DEPDC5: variants seen among roughly 807,000 people sequenced by gnomAD.
DEPDC5 encodes DEP domain containing 5, GATOR1 subcomplex subunit.
A neutral mutation model predicts 217.3 loss-of-function variants in DEPDC5; 73 were observed. The observed-to-expected ratio is 0.34, with a 90% CI of 0.28 to 0.41. The LOEUF is 0.41. Ranked by LOEUF, DEPDC5 falls within the 10% of genes least tolerant of loss-of-function variation. DEPDC5 has a pLI of 1.00. For missense variants in DEPDC5, 1,675 were observed against 2,070.1 expected, an observed-to-expected ratio of 0.81 and a Z score of 3.70; for synonymous variants, 733 against 756.7, an observed-to-expected ratio of 0.97 and a Z score of 0.51.
At chr22:31,891,014 G>A (rs1453839714) in intron 38 of DEPDC5, 3 of 209,128 alleles carry the variant, frequency 1.4e-5, no homozygotes, top group Admixed American at 6.2e-5. Context: ...CACCATGCCC[G>A]GCTAAAAAAT....
chr22:31,862,235 T>TC (rs1223306125), intron 33 of DEPDC5, among the ~76,000 whole-genome samples: 2 of 147,110 alleles, frequency 1.4e-5, no homozygotes, highest in African/African-American at 5.1e-5. Context: ...AGAGCGAAAC[T>TC]CCATCTCAAT....
rs136874 is a variant in DEPDC5, at chr22:31,889,541, CTTTTTTTTTT to C, written c.4034-4025_4034-4016del. 1.8e-3 allele frequency among the ~76,000 whole-genome samples: 177 copies of C among 99,602 alleles called. 2 individuals are homozygous for C. Among genetic ancestry groups the C allele is most frequent in the African/African-American group, 6.7e-3 (173 of 25,812 alleles). 65.3% of individuals were successfully genotyped at this position (99,602 alleles called of 152,430 possible). A position where few individuals can be genotyped will look rare whatever the true frequency, so the allele number is the denominator to read the frequency against. On this transcript the variant is annotated intron_variant, in intron 38 of 42. Coordinates refer to ENST00000651528, the MANE Select transcript of DEPDC5 (RefSeq NM_001242896.3). ...TGTCCAAGACCAGAGGGCAAAACTT[CTTTTTTTTTT>C]TTTTTTTTTTTTTTTCCAGACAGAG...
chr22:31,755,105 C>G, intron 2 of DEPDC5, 126 bp downstream of exon 2: 1 of 1,020,464 alleles, frequency 9.8e-7, no homozygotes, highest in Non-Finnish European at 1.5e-6. Flanking sequence ...CAGACTAAAG[C>G]AGCAACTGTC....
intron 18 of DEPDC5, among the ~76,000 whole-genome samples, chr22:31,807,679 G>A (rs982737032): frequency 6.6e-6 from 1 of 152,158 alleles, no homozygotes; most frequent in Non-Finnish European, 1.5e-5. Context: ...TGACCCACCC[G>A]CCTCAGCCTC....
intron 38 of DEPDC5, among the ~76,000 whole-genome samples, chr22:31,881,590 C>T (rs1361932426): frequency 2.6e-5 from 4 of 152,042 alleles, no homozygotes; most frequent in Non-Finnish European, 5.9e-5. Context: ...GGGCTTGAGA[C>T]CTAAGGCCTT....
intron 21 of DEPDC5, chr22:31,815,448 C>T (rs750980534): frequency 1.7e-5 from 11 of 664,358 alleles, no homozygotes; most frequent in South Asian, 9.8e-5. Context: ...GATGCAATCA[C>T]AGCTCACCTC....
intron 7 of DEPDC5, among the ~76,000 whole-genome samples, chr22:31,772,953 T>C (rs532987173): frequency 5.9e-5 from 9 of 152,082 alleles, no homozygotes; most frequent in African/African-American, 2.2e-4. Flanking sequence ...AGCTAATTTT[T>C]GTTTTTTTAG....
At chr22:31,877,792 CA>C (rs2093046929) in intron 37 of DEPDC5, among the ~76,000 whole-genome samples, 1 of 148,676 alleles carries the variant, frequency 6.7e-6, no homozygotes, top group African/African-American at 2.5e-5. Context: ...AACAGAAAAC[CA>C]GACCAGCATC....
At position 31,783,907 on chromosome 22, in the gene DEPDC5, G is replaced by T. The variant is rs1423745812; in HGVS notation, c.484G>T (p.Val162Leu). The T allele has an allele frequency of 3.1e-6, 5 of 1,611,252 alleles. No homozygotes were observed. ...MCGYISEDTR[V>L]VFRSTSAMVY... ...TAATACAATTGTGTTTTTATTTCAG[G>T]TGGTGTTTCGTTCTACGTCGGCTAT... The change falls in exon 9 of 43, where the codon GTG becomes TTG. Residue 162 changes from valine (V) to leucine (L), a missense_variant and splice_region_variant. Around this residue, in one of 11 missense-constraint regions of DEPDC5, gnomAD observed 628 missense variants for 762.1 expected, o/e 0.82. Coordinates refer to ENST00000651528, the MANE Select transcript of DEPDC5 (RefSeq NM_001242896.3).
rs771106617 is a variant in DEPDC5 at position 31,876,211 on chromosome 22, T to G, written c.3751T>G (p.Phe1251Val). Residue 1251 changes from phenylalanine (F) to valine (V), a missense_variant, in exon 37 of 43, where the codon TTC becomes GTC. Around this residue, in one of 11 missense-constraint regions of DEPDC5, gnomAD observed 194 missense variants for 199.3 expected, o/e 0.97. Transcript: ENST00000651528. Reference sequence around the variant, plus strand: ...TGCATCTGGCGAAGCCTGGCGGACCTTCATCTACGGCTTCTATTTCTACAA... The same window carrying G: ...TGCATCTGGCGAAGCCTGGCGGACCGTCATCTACGGCTTCTATTTCTACAA... The part of the protein sequence containing the change: ...THASGEAWRT[F>V]IYGFYFYKIV... 4 of 1,614,134 alleles carry G rather than the reference T, an allele frequency of 2.5e-6. No homozygotes were observed. Among genetic ancestry groups the G allele is most frequent in the Non-Finnish European group, 3.4e-6 (4 of 1,180,026 alleles).
chr22:31,843,002 A>T, intron 27 of DEPDC5, 93 bp from the exon 28 acceptor site: 1 of 908,000 alleles, frequency 1.1e-6, no homozygotes, highest in Non-Finnish European at 1.7e-6. Context: ...AGAAAGTGTT[A>T]CATTGTTTTC....
intron 38 of DEPDC5, among the ~76,000 whole-genome samples, chr22:31,880,445 C>T (rs1230167080): frequency 6.6e-6 from 1 of 152,156 alleles, no homozygotes. Context: ...ATCTTAAGGG[C>T]AAGTTGGAGG....
chr22:31,825,169 G>A (rs944396282), intron 24 of DEPDC5, among the ~76,000 whole-genome samples: 2 of 152,234 alleles, frequency 1.3e-5, no homozygotes, highest in African/African-American at 2.4e-5. Context: ...TGAAGCAGGG[G>A]GAATTACAGG....
intron 41 of DEPDC5, among the ~76,000 whole-genome samples, chr22:31,905,592 G>A (rs2093743084): frequency 6.6e-6 from 1 of 152,096 alleles, no homozygotes; most frequent in African/African-American, 2.4e-5. Flanking sequence ...CCCAGGATGG[G>A]ATGGGGGAGA....
intron 38 of DEPDC5, among the ~76,000 whole-genome samples, chr22:31,888,797 C>A (rs925231310): frequency 6.6e-6 from 1 of 151,826 alleles, no homozygotes; most frequent in Non-Finnish European, 1.5e-5. Flanking sequence ...CCTCCCACCT[C>A]GGCCTCCCAA....
At chr22:31,828,396 G>T (rs2090320992) in intron 24 of DEPDC5, among the ~76,000 whole-genome samples, 3 of 142,240 alleles carry the variant, frequency 2.1e-5, no homozygotes, top group Non-Finnish European at 4.5e-5. Context: ...AGGTTGCAGT[G>T]AGCCAAGGTC....
At chr22:31,813,354 G>A (rs965626004) in intron 20 of DEPDC5, among the ~76,000 whole-genome samples, 8 of 152,234 alleles carry the variant, frequency 5.3e-5, no homozygotes, top group Non-Finnish European at 1.2e-4. Flanking sequence ...CCCAGGTTGT[G>A]TGGTCTCTGA....
At chr22:31,898,806 A>G (rs1361309547) in intron 40 of DEPDC5, among the ~76,000 whole-genome samples, 1 of 152,238 alleles carries the variant, frequency 6.6e-6, no homozygotes. Context: ...CAAGCCCCAC[A>G]GAGGCCCTAC....
chr22:31,857,512 A>G lies in DEPDC5; in HGVS notation c.3223A>G (p.Ser1075Gly), dbSNP rs376555106. 7 of 1,612,552 alleles carry G rather than the reference A, an allele frequency of 4.3e-6. No homozygotes were observed. Among genetic ancestry groups the G allele is most frequent in the Non-Finnish European group, 5.9e-6 (7 of 1,179,438 alleles). Reference protein sequence around the residue: ...KSSAQSAESSSVAMTPTYMDS... With the variant: ...KSSAQSAESSGVAMTPTYMDS... ...CTCCGCCCAGTCAGCCGAGAGCAGC[A>G]GCGTTGCCATGACTCCCACCTACAT... is the stretch of plus-strand genomic sequence containing the variant. Residue 1075 changes from serine to glycine, a missense_variant, in exon 32 of 43, where the codon AGC becomes GGC. Physicochemically the swap from Ser to Gly is moderately conservative, Grantham distance 56 (BLOSUM62 0). Coordinates refer to ENST00000651528, the MANE Select transcript of DEPDC5 (RefSeq NM_001242896.3).
Sources: allele counts gnomAD v4.1 joint callset (sites outside exome capture counted in the v4.1 genomes callset), GRCh38; gene constraint gnomAD v4.1.1; regional missense constraint gnomAD v4.1.1; transcripts MANE v1.5; gene names NCBI Gene and HGNC (gene_info 2026-07-23, HGNC 2026-07-21).